Variants in XIRP2 observed in about 807,000 individuals in gnomAD.
XIRP2 encodes the protein xin actin binding repeat containing 2.
A neutral mutation model predicts 277.0 loss-of-function variants in XIRP2; 236 were observed. That is an observed-to-expected ratio of 0.85 (90% CI 0.77 to 0.95). The LOEUF (loss-of-function observed/expected upper bound fraction) is 0.95. Ranked by LOEUF, XIRP2 falls within the 40% of genes least tolerant of loss-of-function variation. The pLI is 0.00. For synonymous variants in XIRP2, 1,490 were observed against 1,416.5 expected, an observed-to-expected ratio of 1.05 and a Z score of -1.17; for missense variants, 4,640 against 4,157.5, an observed-to-expected ratio of 1.12 and a Z score of -3.19.
chr2:166,996,800 C>A (rs980105616), intron 2 of XIRP2, among the ~76,000 whole-genome samples: 6 of 152,096 alleles, frequency 3.9e-5, no homozygotes, highest in Non-Finnish European at 7.4e-5. Flanking sequence ...GCACAACACA[C>A]ACACATAAAC....
intron 5 of XIRP2, among the ~76,000 whole-genome samples, chr2:167,221,460 C>CAAAAA (rs57006710): frequency 1.4e-4 from 9 of 63,456 alleles, no homozygotes; most frequent in South Asian, 5.9e-4. Context: ...AACTCCATCT[C>CAAAAA]AAAAAAAAAA....
At chr2:167,087,675 G>T (rs1181860791) in intron 2 of XIRP2, among the ~76,000 whole-genome samples, 1 of 152,238 alleles carries the variant, frequency 6.6e-6, no homozygotes, top group African/African-American at 2.4e-5. Flanking sequence ...TCGGAAAAGC[G>T]CAGTATTTGG....
chr2:167,128,060 C>A (rs1415650058), intron 2 of XIRP2, among the ~76,000 whole-genome samples: 1 of 152,204 alleles, frequency 6.6e-6, no homozygotes, highest in African/African-American at 2.4e-5. Flanking sequence ...TTGGGGAAGA[C>A]ATTCACCCTG....
At chr2:167,084,399 T>G (rs1247035140) in intron 2 of XIRP2, among the ~76,000 whole-genome samples, 23 of 151,798 alleles carry the variant, frequency 1.5e-4, no homozygotes, top group Admixed American at 1.2e-3. Flanking sequence ...GGTCTAAAAT[T>G]CTCTTTTTTG....
chr2:167,247,525 A>G lies in XIRP2; in HGVS notation c.6133A>G (p.Arg2045Gly), dbSNP rs781726870. The change falls in exon 9 of 11, where the codon AGA becomes GGA. Residue 2045 changes from arginine to glycine, a missense_variant. Physicochemically the swap from Arg to Gly is moderately radical, Grantham distance 125 (BLOSUM62 -2). Coordinates refer to ENST00000409195, the MANE Select transcript of XIRP2 (RefSeq NM_152381.6). Reference sequence around the variant, plus strand: ...TGATGCTCTGGAGAAAAGCCTTAGAAGACTATCTAATTCACACCATAAATC... The same window carrying G: ...TGATGCTCTGGAGAAAAGCCTTAGAGGACTATCTAATTCACACCATAAATC... ...NNDALEKSLR[R>G]LSNSHHKSNV... 6 of 1,613,644 alleles carry G rather than the reference A, an allele frequency of 3.7e-6. No individual in the cohort carries two copies. In the East Asian group the frequency reaches 1.3e-4, roughly 36 times the overall value.
At chr2:166,974,414 A>T (rs944459588) in intron 2 of XIRP2, among the ~76,000 whole-genome samples, 19 of 152,150 alleles carry the variant, frequency 1.2e-4, no homozygotes, top group African/African-American at 4.6e-4. Context: ...TTTAAAAGAT[A>T]AACTAAGCAA....
In XIRP2 at chr2:167,171,972, A is replaced by C. The variant is rs1252861271; in HGVS notation, c.562+35910A>C. Among the ~76,000 whole-genome samples the C allele has an allele frequency of 2.0e-5, 3 of 152,208 alleles. No homozygotes were observed. The East Asian group carries it at 5.8e-4, about 29-fold the overall frequency. ...ATAGGTGTATATATTTACGGGGTAC[A>C]TGAAATATTTTGGTACAGGCATGCG... is the stretch of plus-strand genomic sequence containing the variant. On this transcript the variant is annotated intron_variant, in intron 3 of 10. Transcript: ENST00000409195.
At chr2:167,159,078 G>A (rs1227408606) in intron 3 of XIRP2, among the ~76,000 whole-genome samples, 3 of 152,286 alleles carry the variant, frequency 2.0e-5, no homozygotes, top group East Asian at 3.9e-4. Flanking sequence ...TGGCCCACCG[G>A]ATGGTGGAAA....
intron 2 of XIRP2, among the ~76,000 whole-genome samples, chr2:167,037,518 G>GTT (rs1553481077): frequency 7.9e-6 from 1 of 126,382 alleles, no homozygotes. Context: ...TCATGTGGGG[G>GTT]GTGTGTGTGT....
intron 1 of XIRP2, among the ~76,000 whole-genome samples, chr2:166,894,845 G>A (rs1484377812): frequency 6.6e-6 from 1 of 152,168 alleles, no homozygotes; most frequent in East Asian, 1.9e-4. Flanking sequence ...TTTTGACAAT[G>A]TGAACAGAGA....
intron 3 of XIRP2, among the ~76,000 whole-genome samples, chr2:167,137,131 A>G (rs538551674): frequency 6.6e-6 from 1 of 152,272 alleles, no homozygotes; most frequent in African/African-American, 2.4e-5. Flanking sequence ...GGGAATTTAC[A>G]TATGGTTCAG....
intron 2 of XIRP2, among the ~76,000 whole-genome samples, chr2:167,002,912 G>A (rs563344933): frequency 7.9e-5 from 12 of 151,812 alleles, no homozygotes; most frequent in Non-Finnish European, 1.8e-4. Flanking sequence ...TTTGATGCTT[G>A]GATTGTCAGA....
At chr2:167,142,655 A>G (rs1691754145) in intron 3 of XIRP2, among the ~76,000 whole-genome samples, 1 of 152,204 alleles carries the variant, frequency 6.6e-6, no homozygotes, top group African/African-American at 2.4e-5. Flanking sequence ...AAGCTGAAAC[A>G]CAAGAATCCC....
intron 5 of XIRP2, among the ~76,000 whole-genome samples, chr2:167,225,450 G>A (rs1162729843): frequency 6.6e-6 from 1 of 152,064 alleles, no homozygotes; most frequent in African/African-American, 2.4e-5. Context: ...TTGTGCAGTT[G>A]GAACAATGAA....
chr2:167,141,963 C>A (rs150289195), intron 3 of XIRP2, among the ~76,000 whole-genome samples: 1 of 152,052 alleles, frequency 6.6e-6, no homozygotes, highest in African/African-American at 2.4e-5. Context: ...GATCCCAGGC[C>A]CCCTAGTTGG....
In XIRP2 at chr2:167,251,810, C is replaced by T; in HGVS notation, c.10418C>T (p.Pro3473Leu). 1 of 1,613,258 alleles carries T rather than the reference C, an allele frequency of 6.2e-7. No homozygotes were observed. The highest frequency in any genetic ancestry group is 2.2e-5 in the East Asian group (1 of 44,828). ...AGHILDISDS[P>L]KEVRKNFQKT... The stretch of plus-strand genomic sequence containing the variant: ...CATATTTTAGATATCTCTGATTCAC[C>T]TAAAGAAGTAAGAAAAAATTTTCAA... The change falls in exon 9 of 11, where the codon CCT (proline) becomes CTT (leucine). Residue 3473 changes from proline (P) to leucine (L), a missense_variant. Pro to Leu is a moderately conservative substitution (Grantham distance 98). Coordinates refer to ENST00000409195, the MANE Select transcript of XIRP2 (RefSeq NM_152381.6).
chr2:167,198,653 T>C (rs185203191), intron 3 of XIRP2, among the ~76,000 whole-genome samples: 124 of 152,302 alleles, frequency 8.1e-4, no homozygotes, highest in African/African-American at 2.6e-3. Flanking sequence ...GTTCTGAAAG[T>C]TTTCAAGGTT....
chr2:166,966,494 A>G (rs964536078), intron 2 of XIRP2, among the ~76,000 whole-genome samples: 4 of 151,922 alleles, frequency 2.6e-5, no homozygotes, highest in Non-Finnish European at 5.9e-5. Context: ...ATGTTTATAT[A>G]GACAGCAAAA....
intron 3 of XIRP2, among the ~76,000 whole-genome samples, chr2:167,195,378 C>G (rs562542167): frequency 6.6e-6 from 1 of 152,214 alleles, no homozygotes; most frequent in East Asian, 1.9e-4. Flanking sequence ...GGTTCTTAGA[C>G]TCTCAATATA....
Sources: gnomAD v4.1 joint callset for allele counts (sites outside exome capture counted in the v4.1 genomes callset) on GRCh38, gnomAD v4.1.1 for gene constraint, MANE v1.5 for transcripts, NCBI Gene and HGNC (gene_info 2026-07-23, HGNC 2026-07-21) for gene names.